Variants in TRIM5 observed in about 807,000 individuals in gnomAD.
TRIM5 encodes tripartite motif containing 5.
Under a neutral mutation model 35.6 loss-of-function variants are expected in TRIM5, and 31 were observed. The observed-to-expected ratio is 0.87, with a 90% CI of 0.65 to 1.18. TRIM5 has a LOEUF of 1.18. Ranked by LOEUF, TRIM5 falls within the 50% of genes most tolerant of loss-of-function variation. TRIM5 has a pLI of 0.00. For missense variants in TRIM5, 609 were observed against 591.6 expected (o/e 1.03, Z -0.31); for synonymous variants, 243 against 215.6 (o/e 1.13, Z -1.11).
chr11:5,591,415 G>A, the TRIM5 span, among the ~76,000 whole-genome samples: 19 of 152,258 alleles, frequency 1.2e-4, no homozygotes, highest in South Asian at 2.7e-3. Context: ...TTGGGAGGCC[G>A]AGGCGGGCAG....
intron 4 of TRIM5, among the ~76,000 whole-genome samples, chr11:5,675,615 C>A (rs935787183): frequency 6.6e-6 from 1 of 151,798 alleles, no homozygotes; most frequent in Non-Finnish European, 1.5e-5. Flanking sequence ...AACTCCCAAC[C>A]CCATTGGTTG....
intron 1 of TRIM5, among the ~76,000 whole-genome samples, chr11:5,680,801 G>A (rs923906980): frequency 6.6e-6 from 1 of 152,224 alleles, no homozygotes; most frequent in Non-Finnish European, 1.5e-5. Flanking sequence ...TATCAGCAGA[G>A]TGAATGACTG....
chr11:5,614,048 C>CT, the TRIM5 span, among the ~76,000 whole-genome samples: 1 of 152,024 alleles, frequency 6.6e-6, no homozygotes, highest in Non-Finnish European at 1.5e-5. Context: ...GACTTGGGGA[C>CT]AATTATTAGG....
downstream of TRIM5, among the ~76,000 whole-genome samples, chr11:5,661,456 A>C (rs1850823422): frequency 6.6e-6 from 1 of 152,042 alleles, no homozygotes; most frequent in Admixed American, 6.6e-5. Context: ...GCCTGCTCCC[A>C]TTCTTTACTC....
chr11:5,672,068 G>C (rs1303256520), intron 4 of TRIM5, among the ~76,000 whole-genome samples: 1 of 152,100 alleles, frequency 6.6e-6, no homozygotes, highest in African/African-American at 2.4e-5. Flanking sequence ...AGACTGGAAT[G>C]ACTTATTGAA....
the TRIM5 span, chr11:5,605,151 G>A: frequency 2.6e-6 from 2 of 761,074 alleles, no homozygotes; most frequent in African/African-American, 1.7e-5. Context: ...AATGGTCTGG[G>A]CAGAGCTGAA....
chr11:5,613,965 A>G, the TRIM5 span, among the ~76,000 whole-genome samples: 5 of 152,208 alleles, frequency 3.3e-5, no homozygotes, highest in Non-Finnish European at 7.3e-5. Context: ...ATGACTTTAG[A>G]TAATAGTGAA....
chr11:5,608,095 A>G, the TRIM5 span, among the ~76,000 whole-genome samples: 12,561 of 152,272 alleles, frequency 0.082, 551 homozygotes, highest in South Asian at 0.12. Flanking sequence ...ATGCCTGACA[A>G]ATAATACATG....
chr11:5,601,255 G>A, the TRIM5 span, among the ~76,000 whole-genome samples: 2 of 152,158 alleles, frequency 1.3e-5, no homozygotes, highest in Non-Finnish European at 1.5e-5. Context: ...GTTTGAGGAC[G>A]AAGCTTTGAA....
In TRIM5 at chr11:5,665,058, A is replaced by C; in HGVS notation, c.1233T>G (p.Ser411Arg). 6.2e-7 allele frequency: 1 copy of C among 1,614,130 alleles called. No homozygotes were observed. Among genetic ancestry groups the C allele is most frequent in the Non-Finnish European group, 8.5e-7 (1 of 1,180,020 alleles). Residue 411 changes from serine (S) to arginine (R), a missense_variant, in exon 8 of 8, where the codon AGT becomes AGG. Transcript: ENST00000380034. ...VIGLEEGVKC[S>R]AFQDSSFHTP... ...TATGGAAGGAACTATCCTGGAAAGC[A>C]CTACATTTAACTCCTTCCTCTAACC...
chr11:5,677,624 C>A (rs1398234279), intron 4 of TRIM5, among the ~76,000 whole-genome samples: 1 of 152,178 alleles, frequency 6.6e-6, no homozygotes, highest in Non-Finnish European at 1.5e-5. Flanking sequence ...TGGTCTCAAT[C>A]GCCTGACCTC....
chr11:5,605,183 A>G, the TRIM5 span: 2 of 993,520 alleles, frequency 2.0e-6, no homozygotes, highest in South Asian at 1.4e-5. Flanking sequence ...AGGAAAGAAC[A>G]GGCTACAAAG....
At chr11:5,650,056 A>G in the TRIM5 span, among the ~76,000 whole-genome samples, 1 of 152,196 alleles carries the variant, frequency 6.6e-6, no homozygotes, top group Admixed American at 6.5e-5. Context: ...GATTGGAATC[A>G]ATGCTGTGTG....
the TRIM5 span, among the ~76,000 whole-genome samples, chr11:5,653,680 C>G: frequency 1.3e-5 from 2 of 151,364 alleles, no homozygotes; most frequent in African/African-American, 4.9e-5. Context: ...TTGGTAGAGA[C>G]AGGGTTTTTA....
At chr11:5,652,189 T>C in the TRIM5 span, among the ~76,000 whole-genome samples, 1 of 152,182 alleles carries the variant, frequency 6.6e-6, no homozygotes. Flanking sequence ...TTCGTCAACA[T>C]TTGTTTTTGT....
chr11:5,630,263 A>T, the TRIM5 span, among the ~76,000 whole-genome samples: 1 of 152,152 alleles, frequency 6.6e-6, no homozygotes. Flanking sequence ...TTTTTATAGG[A>T]AGAAAGGACT....
At chr11:5,622,254 G>C in the TRIM5 span, among the ~76,000 whole-genome samples, 4 of 152,004 alleles carry the variant, frequency 2.6e-5, no homozygotes, top group Admixed American at 6.6e-5. Flanking sequence ...GACCATCCTG[G>C]CCAACATGGT....
chr11:5,636,726 T>G, the TRIM5 span, among the ~76,000 whole-genome samples: 1 of 152,228 alleles, frequency 6.6e-6, no homozygotes, highest in African/African-American at 2.4e-5. Context: ...AGATCAAAAA[T>G]TATAAATGCT....
the TRIM5 span, among the ~76,000 whole-genome samples, chr11:5,641,814 G>T: frequency 3.7e-3 from 562 of 152,244 alleles, 3 homozygotes; most frequent in African/African-American, 0.012. Flanking sequence ...TTCTTACAAA[G>T]ACATAAAATT....
Sources: allele counts gnomAD v4.1 joint callset (sites outside exome capture counted in the v4.1 genomes callset), GRCh38; gene constraint gnomAD v4.1.1; transcripts MANE v1.5; gene names NCBI Gene and HGNC (gene_info 2026-07-23, HGNC 2026-07-21).